The following AMOTL1 variants were observed in gnomAD, a reference collection of about 807,000 sequenced individuals.
The protein encoded by AMOTL1 is angiomotin like 1, also known as angiomotin-like protein 1.
In AMOTL1, 45 loss-of-function variants were observed where a neutral mutation model predicts 102.9. That is an observed-to-expected ratio of 0.44 (90% CI 0.34 to 0.56). The LOEUF is 0.56. AMOTL1 is among the 20% of genes least tolerant of loss of function. The pLI, the probability that AMOTL1 is intolerant of heterozygous loss-of-function variation, is 0.01. For synonymous variants in AMOTL1, 481 were observed against 484.7 expected, an observed-to-expected ratio of 0.99 and a Z score of 0.10; for missense variants, 1,114 against 1,225.6, an observed-to-expected ratio of 0.91 and a Z score of 1.36.
intron 3 of AMOTL1, chr11:94,741,019 T>C (rs1198198314): frequency 7.8e-7 from 1 of 1,287,496 alleles, no homozygotes; most frequent in African/African-American, 1.5e-5. Context: ...TTTTATTTCT[T>C]GGTCGCAATT....
intron 3 of AMOTL1, among the ~76,000 whole-genome samples, chr11:94,742,848 ACT>A (rs1388775684): frequency 6.6e-6 from 1 of 152,140 alleles, no homozygotes; most frequent in Admixed American, 6.5e-5. Flanking sequence ...CTATCTTCTC[ACT>A]GTGTCCTCAA....
chr11:94,787,265 A>T (rs761335926), intron 1 of AMOTL1, among the ~76,000 whole-genome samples: 1 of 152,124 alleles, frequency 6.6e-6, no homozygotes, highest in Non-Finnish European at 1.5e-5. Flanking sequence ...TAAAAGTTTC[A>T]TAGATTTGTA....
At position 94,718,750 on chromosome 11, in the gene AMOTL1, TGTCA is replaced by T. The variant is rs528745979; in HGVS notation, c.-50-10168_-50-10165del. Among the ~76,000 whole-genome samples the T allele has an allele frequency of 1.4e-4, 21 of 149,488 alleles. 1 individual carries two copies. In the South Asian group the frequency reaches 4.4e-3, roughly 32 times the overall value. ...TAGCCTTGTCTGGCTTTCTGTTGAT[TGTCA>T]GTTTATTGATATATAGAAACATTTT... On this transcript the variant is annotated intron_variant, in intron 1 of 4. Transcript: ENST00000299004.
intron 1 of AMOTL1, among the ~76,000 whole-genome samples, chr11:94,726,426 A>G (rs1424526715): frequency 4.6e-5 from 7 of 152,202 alleles, no homozygotes; most frequent in Non-Finnish European, 1.0e-4. Context: ...AGTATTCCAT[A>G]GACCCCAATG....
intron 6 of AMOTL1, among the ~76,000 whole-genome samples, chr11:94,844,381 G>C (rs547665279): frequency 1.3e-5 from 2 of 152,258 alleles, no homozygotes; most frequent in South Asian, 4.1e-4. Flanking sequence ...CCCAAATCCA[G>C]TTGGTTAAGG....
chr11:94,708,083 AC>A (rs1389364521), intron 1 of AMOTL1, among the ~76,000 whole-genome samples: 1 of 151,632 alleles, frequency 6.6e-6, no homozygotes, highest in African/African-American at 2.4e-5. Context: ...ACATCTCTCT[AC>A]CCCACCACTA....
At chr11:94,721,894 T>C (rs1333205017) in intron 1 of AMOTL1, among the ~76,000 whole-genome samples, 1 of 152,176 alleles carries the variant, frequency 6.6e-6, no homozygotes, top group Non-Finnish European at 1.5e-5. Flanking sequence ...TGTAAAGATC[T>C]ATATATTAAC....
chr11:94,793,271 CCT>C (rs1161483968), intron 1 of AMOTL1, among the ~76,000 whole-genome samples: 1 of 152,138 alleles, frequency 6.6e-6, no homozygotes, highest in African/African-American at 2.4e-5. Context: ...GCTCTCAACT[CCT>C]CTCTTACTCT....
At chr11:94,765,448 C>T (rs374628639), upstream of AMOTL1, among the ~76,000 whole-genome samples, 46 of 152,070 alleles carry the variant, frequency 3.0e-4, no homozygotes, top group African/African-American at 9.9e-4. Context: ...ACAATAGATT[C>T]AGGAACTAAG....
chr11:94,800,664 T>A (rs1951460386), intron 3 of AMOTL1, among the ~76,000 whole-genome samples: 1 of 152,014 alleles, frequency 6.6e-6, no homozygotes, highest in Non-Finnish European at 1.5e-5. Context: ...TACCAGAGGG[T>A]TTTATAGTCT....
rs1953071652 is a variant in AMOTL1 at position 94,874,980 on chromosome 11, T to A, written c.*4185T>A. ...ACTCCTCTTAAGCAAAGGAGTACCA[T>A]GACCATAGTCAGTGGGATCCCACAA... On this transcript the variant is annotated 3_prime_UTR_variant, in exon 13 of 13. Transcript: ENST00000433060. 1 of 152,256 alleles carries A rather than the reference T, an allele frequency of 6.6e-6. No homozygotes were observed. Among genetic ancestry groups the A allele is most frequent in the Non-Finnish European group, 1.5e-5 (1 of 68,042 alleles). 9.4% of individuals were successfully genotyped at this position (152,256 alleles called of 1,614,324 possible).
At chr11:94,803,687 G>A (rs77924878) in intron 3 of AMOTL1, among the ~76,000 whole-genome samples, 2,015 of 152,310 alleles carry the variant, frequency 0.013, 43 homozygotes, top group African/African-American at 0.046. Flanking sequence ...CTTGGCTTAT[G>A]CAATCTGCAC....
At chr11:94,772,444 T>C (rs1950966924) in intron 1 of AMOTL1, among the ~76,000 whole-genome samples, 1 of 152,196 alleles carries the variant, frequency 6.6e-6, no homozygotes, top group African/African-American at 2.4e-5. Context: ...TTTTATCATT[T>C]TGAGAATGTT....
At chr11:94,795,263 T>C in intron 2 of AMOTL1, 103 bp downstream of exon 2, 1 of 1,392,418 alleles carries the variant, frequency 7.2e-7, no homozygotes, top group Non-Finnish European at 9.9e-7. Flanking sequence ...CTAATCTTGT[T>C]TTTTAAATCA....
chr11:94,852,341 A>C (rs1952558175), intron 7 of AMOTL1, among the ~76,000 whole-genome samples: 1 of 152,280 alleles, frequency 6.6e-6, no homozygotes, highest in South Asian at 2.1e-4. Context: ...AACTCACAGC[A>C]ATGCTGCCTG....
intron 3 of AMOTL1, among the ~76,000 whole-genome samples, chr11:94,762,515 G>A (rs1226324225): frequency 2.0e-5 from 3 of 152,180 alleles, no homozygotes; most frequent in African/African-American, 4.8e-5. Flanking sequence ...CAGAGGGCCA[G>A]GGTTGAGAAA....
At position 94,842,162 on chromosome 11, in the gene AMOTL1, A is replaced by C. The variant is rs187995887; in HGVS notation, c.1649-7952A>C. Among the ~76,000 whole-genome samples the C allele has an allele frequency of 2.0e-3, 304 of 152,348 alleles. 1 individual carries two copies. Among genetic ancestry groups the C allele is most frequent in the African/African-American group, 7.0e-3 (292 of 41,578 alleles). On this transcript the variant is annotated intron_variant, in intron 6 of 12. Transcript: ENST00000433060. ...TCAGTTAGAATTTGATTATATACCAATAGCATCCTCTTATTCAATAAGCTG... is the reference window on the plus strand; with the variant it reads ...TCAGTTAGAATTTGATTATATACCACTAGCATCCTCTTATTCAATAAGCTG...
At chr11:94,854,549 G>T (rs1452074176) in intron 8 of AMOTL1, among the ~76,000 whole-genome samples, 1 of 152,128 alleles carries the variant, frequency 6.6e-6, no homozygotes, top group East Asian at 1.9e-4. Context: ...GAGGACATTT[G>T]GTCAAGCTGA....
chr11:94,855,675 G>T (rs1592039375), intron 8 of AMOTL1, among the ~76,000 whole-genome samples: 1 of 152,154 alleles, frequency 6.6e-6, no homozygotes, highest in African/African-American at 2.4e-5. Flanking sequence ...TGTGAAACCA[G>T]ACTCACCTCC....
Sources: gnomAD v4.1 joint callset for allele counts (sites outside exome capture counted in the v4.1 genomes callset) on GRCh38, gnomAD v4.1.1 for gene constraint, MANE v1.5 for transcripts, NCBI Gene and HGNC (gene_info 2026-07-23, HGNC 2026-07-21) for gene names.